Variants in MAP3K13 observed in about 807,000 individuals in gnomAD.
MAP3K13 encodes the protein leucine zipper-bearing kinase.
In MAP3K13, 52 loss-of-function variants were observed where a neutral mutation model predicts 104.0. The observed-to-expected ratio is 0.50, with a 90% CI of 0.40 to 0.63. MAP3K13 has a LOEUF of 0.63. MAP3K13 is among the 20% of genes least tolerant of loss of function. The pLI is 0.00. For synonymous variants in MAP3K13, 394 were observed against 442.2 expected (o/e 0.89, Z 1.37); for missense variants, 914 against 1,218.5 (o/e 0.75, Z 3.72).
chr3:185,318,178 A>G (rs549951683), intron 2 of MAP3K13, among the ~76,000 whole-genome samples: 12 of 152,190 alleles, frequency 7.9e-5, no homozygotes, highest in Non-Finnish European at 1.2e-4. Context: ...TTGGCAAAAT[A>G]TCCAATGCTT....
chr3:185,374,781 G>A (rs996408472), intron 1 of MAP3K13, among the ~76,000 whole-genome samples: 3 of 151,924 alleles, frequency 2.0e-5, no homozygotes, highest in African/African-American at 7.2e-5. Context: ...CAGTGAGTAA[G>A]TCAATACCTT....
intron 5 of MAP3K13, 89 bp from the exon 6 acceptor site, chr3:185,449,811 G>T (rs1715787743): frequency 5.3e-6 from 6 of 1,141,190 alleles, no homozygotes; most frequent in African/African-American, 1.6e-5. Flanking sequence ...CTGGGTATAT[G>T]TACTAATTTG....
upstream of MAP3K13, among the ~76,000 whole-genome samples, chr3:185,360,818 C>CTTTTT (rs532196266): frequency 1.8e-4 from 14 of 78,100 alleles, no homozygotes; most frequent in African/African-American, 6.1e-4. Flanking sequence ...ACAGCTTTAG[C>CTTTTT]TTTTTTTTTT....
chr3:185,325,141 G>C, intron 2 of MAP3K13, among the ~76,000 whole-genome samples: 1 of 152,316 alleles, frequency 6.6e-6, no homozygotes, highest in African/African-American at 2.4e-5. Context: ...AGGCTGAAAA[G>C]GTTACTTACT....
chr3:185,293,035 G>A, intron 2 of MAP3K13: 3 of 985,162 alleles, frequency 3.0e-6, no homozygotes, highest in Non-Finnish European at 3.6e-6. Flanking sequence ...GTGAACGTGT[G>A]TGTACTTGGT....
In MAP3K13 at chr3:185,299,713, C is replaced by CCCGCCA. The variant is rs775016739; in HGVS notation, c.-86+14075_-86+14080dup. ...TCCCGAGTAGCTGGGACTACAGGCG[C>CCCGCCA]CCGCCACCGCGCCCGGCTAATTTTT... is the stretch of plus-strand genomic sequence containing the variant. On this transcript the variant is annotated intron_variant, in intron 2 of 14. Coordinates refer to the MAP3K13 transcript ENST00000424227. Among the ~76,000 whole-genome samples the CCCGCCA allele has an allele frequency of 4.2e-5, 2 of 47,972 alleles. 1 individual carries two copies. Among genetic ancestry groups the CCCGCCA allele is most frequent in the East Asian group, 1.3e-3 (2 of 1,598 alleles). The allele number at this position is 47,972 out of a possible 152,430, so 31.5% of individuals were successfully genotyped here. A position where few individuals can be genotyped will look rare whatever the true frequency, so the allele number is the denominator to read the frequency against.
At chr3:185,426,814 C>T (rs1714447514) in intron 1 of MAP3K13, among the ~76,000 whole-genome samples, 1 of 152,140 alleles carries the variant, frequency 6.6e-6, no homozygotes. Context: ...TCAAATGGAT[C>T]AAAAGTTACC....
intron 2 of MAP3K13, among the ~76,000 whole-genome samples, chr3:185,310,114 C>G (rs559031426): frequency 6.6e-6 from 1 of 152,286 alleles, no homozygotes; most frequent in South Asian, 2.1e-4. Context: ...AGTAAAATCC[C>G]TTGAACACTG....
intron 7 of MAP3K13, among the ~76,000 whole-genome samples, chr3:185,454,861 T>TC (rs1716295561): frequency 2.1e-5 from 1 of 48,552 alleles, no homozygotes; most frequent in South Asian, 8.0e-4. Context: ...ATATACATGA[T>TC]ATATATATGA....
In MAP3K13 at chr3:185,327,057, A is replaced by G. The variant is rs539121855; in HGVS notation, c.-86+41414A>G. 2.6e-5 allele frequency among the ~76,000 whole-genome samples: 4 copies of G among 152,314 alleles called. No homozygotes were observed. In the South Asian group the frequency reaches 6.2e-4, roughly 24 times the overall value. On this transcript the variant is annotated intron_variant, in intron 2 of 14. Transcript: ENST00000424227. ...GTTTATCTTATAGTTCTGTAGGTCA[A>G]AAGACCAACATGGGTCTCACTAGGC...
chr3:185,385,154 C>A (rs779745566), intron 1 of MAP3K13, among the ~76,000 whole-genome samples: 2 of 151,980 alleles, frequency 1.3e-5, no homozygotes, highest in Non-Finnish European at 2.9e-5. Flanking sequence ...TGAATTCTAG[C>A]AATCTTTTTT....
chr3:185,422,639 A>G (rs1278568724), intron 1 of MAP3K13, among the ~76,000 whole-genome samples: 1 of 152,238 alleles, frequency 6.6e-6, no homozygotes, highest in Non-Finnish European at 1.5e-5. Context: ...TTTACGAGGA[A>G]TTAATATAAA....
intron 2 of MAP3K13, among the ~76,000 whole-genome samples, chr3:185,339,559 A>T (rs1484025408): frequency 1.3e-5 from 2 of 152,178 alleles, no homozygotes; most frequent in Non-Finnish European, 2.9e-5. Context: ...TTTACAAAAC[A>T]TTGCTTTAGA....
intron 1 of MAP3K13, among the ~76,000 whole-genome samples, chr3:185,373,773 A>AC: frequency 1.2e-5 from 1 of 82,426 alleles, no homozygotes; most frequent in Middle Eastern, 8.3e-3. Flanking sequence ...ACCCCTGCCA[A>AC]CCATGACATG....
intron 12 of MAP3K13, among the ~76,000 whole-genome samples, chr3:185,478,647 T>G (rs932173963): frequency 6.6e-6 from 1 of 151,814 alleles, no homozygotes; most frequent in Non-Finnish European, 1.5e-5. Context: ...ACCCAGCACT[T>G]TGGGAGGCTG....
intron 2 of MAP3K13, among the ~76,000 whole-genome samples, chr3:185,323,584 C>T (rs1721942513): frequency 6.6e-6 from 1 of 152,130 alleles, no homozygotes; most frequent in Non-Finnish European, 1.5e-5. Context: ...CTGCCCGCCT[C>T]GGCCTCCCAA....
rs1718702506 is a variant in MAP3K13 at position 185,486,046 on chromosome 3, C to CCAACA, written c.*3590_*3591insCAACA. On this transcript the variant is annotated 3_prime_UTR_variant, in exon 14 of 14. Transcript: ENST00000265026. ...GAACAGAGATGCTACAACTCTATGT[C>CCAACA]TTCTTTCTATCCAACATAAAACACT... 1 of 152,222 alleles carries CCAACA rather than the reference C, an allele frequency of 6.6e-6. No homozygotes were observed. Among genetic ancestry groups the CCAACA allele is most frequent in the Non-Finnish European group, 1.5e-5 (1 of 68,050 alleles). The allele number at this position is 152,222 out of a possible 1,614,324, so 9.4% of individuals were successfully genotyped here. A position where few individuals can be genotyped will look rare whatever the true frequency, so the allele number is the denominator to read the frequency against.
At chr3:185,401,515 A>T (rs1712814553) in intron 1 of MAP3K13, among the ~76,000 whole-genome samples, 2 of 152,254 alleles carry the variant, frequency 1.3e-5, no homozygotes, top group Non-Finnish European at 2.9e-5. Context: ...CCCTCTGTCC[A>T]TTACCATGTA....
In MAP3K13 at chr3:185,484,053, A is replaced by G. The variant is rs1718610561; in HGVS notation, c.*1597A>G. On this transcript the variant is annotated 3_prime_UTR_variant, in exon 14 of 14. Transcript: ENST00000265026. ...ATGACTGGCTACCACTGTCAGAATA[A>G]AAGCAAAAACAAGCAGCTTGCAAAA... The G allele has an allele frequency of 1.3e-5, 2 of 152,168 alleles. No homozygotes were observed. The highest frequency in any genetic ancestry group is 6.5e-5 in the Admixed American group (1 of 15,270). 9.4% of individuals were successfully genotyped at this position (152,168 alleles called of 1,614,324 possible).
Sources: allele counts gnomAD v4.1 joint callset (sites outside exome capture counted in the v4.1 genomes callset), GRCh38; gene constraint gnomAD v4.1.1; transcripts MANE v1.5; gene names NCBI Gene and HGNC (gene_info 2026-07-23, HGNC 2026-07-21).